Variants in SRRM4 observed in about 807,000 individuals in gnomAD.
SRRM4 encodes the protein serine/arginine repetitive matrix protein 4.
A neutral mutation model predicts 68.9 loss-of-function variants in SRRM4; 33 were observed. The ratio of observed to expected loss-of-function variants is 0.48; its 90% CI spans 0.36 to 0.64. SRRM4 has a LOEUF of 0.64. SRRM4 is among the 30% of genes least tolerant of loss of function. SRRM4 has a pLI of 0.00. For missense variants in SRRM4, 817 were observed against 827.1 expected (o/e 0.99, Z 0.15); for synonymous variants, 318 against 318.8 (o/e 1.00, Z 0.03).
chr12:119,040,454 T>C (rs1953660147), intron 1 of SRRM4, among the ~76,000 whole-genome samples: 1 of 152,188 alleles, frequency 6.6e-6, no homozygotes, highest in Admixed American at 6.5e-5. Context: ...TGATGTTTGG[T>C]TTTCCATTCC....
Position 119,024,877 on chromosome 12 carries a change from C to T in SRRM4, c.131+42864C>T, listed in dbSNP as rs372015972. ...GTGTCTCCCTAGCCATGTATGGCGA[C>T]AGTAGGAGGAGAAGGAGACCACTGG... On this transcript the variant is annotated intron_variant, in intron 1 of 12. Coordinates refer to ENST00000267260, the MANE Select transcript of SRRM4 (RefSeq NM_194286.4). Among the ~76,000 whole-genome samples the T allele has an allele frequency of 1.4e-4, 21 of 152,242 alleles. No homozygotes were observed. In the East Asian group the frequency reaches 3.5e-3, roughly 25 times the overall value.
intron 8 of SRRM4, among the ~76,000 whole-genome samples, chr12:119,141,507 C>T (rs994164754): frequency 1.3e-5 from 2 of 152,142 alleles, no homozygotes; most frequent in Non-Finnish European, 2.9e-5. Context: ...TTTCCTAGAA[C>T]GATTCTCAGT....
At chr12:119,138,987 T>A (rs1954347821) in intron 8 of SRRM4, among the ~76,000 whole-genome samples, 1 of 152,294 alleles carries the variant, frequency 6.6e-6, no homozygotes, top group East Asian at 1.9e-4. Context: ...TATTACCAGA[T>A]GACAGAGGAT....
intron 1 of SRRM4, among the ~76,000 whole-genome samples, chr12:119,022,499 C>T (rs951293627): frequency 6.6e-6 from 1 of 152,146 alleles, no homozygotes; most frequent in African/African-American, 2.4e-5. Context: ...AAATGTAAGC[C>T]AGATGCCAAG....
At chr12:119,150,780 ATG>A (rs1322563037) in intron 9 of SRRM4, among the ~76,000 whole-genome samples, 1 of 152,180 alleles carries the variant, frequency 6.6e-6, no homozygotes, top group Non-Finnish European at 1.5e-5. Context: ...CCCCAGCGGT[ATG>A]TGTTTCACAC....
chr12:119,011,334 T>C lies in SRRM4; in HGVS notation c.131+29321T>C, dbSNP rs540771608. 2.6e-5 allele frequency among the ~76,000 whole-genome samples: 4 copies of C among 152,306 alleles called. No individual in the cohort carries two copies. The East Asian group carries it at 7.7e-4, about 29-fold the overall frequency. ...ACATTTAGGGCCAGCCAGATAATACTTCCTTGTGGGGAGCTGTCCTGTGCA... is the reference window on the plus strand; with the variant it reads ...ACATTTAGGGCCAGCCAGATAATACCTCCTTGTGGGGAGCTGTCCTGTGCA... On this transcript the variant is annotated intron_variant, in intron 1 of 12. Coordinates refer to ENST00000267260, the MANE Select transcript of SRRM4 (RefSeq NM_194286.4).
intron 1 of SRRM4, among the ~76,000 whole-genome samples, chr12:119,050,308 T>C (rs752664928): frequency 2.0e-5 from 3 of 152,262 alleles, no homozygotes; most frequent in Non-Finnish European, 4.4e-5. Context: ...CTGGATTTGT[T>C]TGATCTCCTT....
intron 2 of SRRM4, among the ~76,000 whole-genome samples, chr12:119,104,850 A>G (rs1253734383): frequency 6.6e-6 from 1 of 151,778 alleles, no homozygotes; most frequent in African/African-American, 2.4e-5. Context: ...TTCAAGTTCT[A>G]GGGTACATGT....
chr12:119,112,044 T>G (rs972663955), intron 2 of SRRM4, among the ~76,000 whole-genome samples: 9 of 148,556 alleles, frequency 6.1e-5, no homozygotes, highest in African/African-American at 2.3e-4. Context: ...AAACTGCGTC[T>G]CAAAAAAAAG....
Position 119,157,081 on chromosome 12 carries a change from G to A in SRRM4, c.*283G>A. ...AAGAAGAAAGAAAAGAAAACTTCAAGGTTTTGTGAGAAGCAATGGGTCTGT... is the reference window on the plus strand; with the variant it reads ...AAGAAGAAAGAAAAGAAAACTTCAAAGTTTTGTGAGAAGCAATGGGTCTGT... On this transcript the variant is annotated 3_prime_UTR_variant, in exon 13 of 13. Transcript: ENST00000267260. The surrounding 1 kb of genome is among the most constrained non-coding windows in gnomAD (Gnocchi z 4.1). 2.3e-6 allele frequency: 1 copy of A among 431,186 alleles called. No homozygotes were observed. The highest frequency in any genetic ancestry group is 3.8e-5 in the East Asian group (1 of 26,630). The allele number at this position is 431,186 out of a possible 1,614,324, so 26.7% of individuals were successfully genotyped here. A position where few individuals can be genotyped will look rare whatever the true frequency, so the allele number is the denominator to read the frequency against.
chr12:118,991,326 G>A (rs1953315543), intron 1 of SRRM4, among the ~76,000 whole-genome samples: 1 of 152,206 alleles, frequency 6.6e-6, no homozygotes, highest in Non-Finnish European at 1.5e-5. Flanking sequence ...CTCCCCTGGT[G>A]CCTGATTTAT....
rs1038025104 is a variant in SRRM4, at chr12:119,158,948, A to G, written c.*2150A>G. The G allele has an allele frequency of 1.2e-4, 17 of 147,234 alleles. No individual in the cohort carries two copies. The highest frequency in any genetic ancestry group is 4.3e-4 in the African/African-American group (17 of 39,660). 9.1% of individuals were successfully genotyped at this position (147,234 alleles called of 1,614,324 possible). ...TTCTCGCCATTAGCAGTATTGAATT[A>G]TTTATTTATACAGAGGTTTTGTGTG... is the stretch of plus-strand genomic sequence containing the variant. On this transcript the variant is annotated 3_prime_UTR_variant, in exon 13 of 13. Transcript: ENST00000267260.
intron 1 of SRRM4, among the ~76,000 whole-genome samples, chr12:119,058,900 G>T (rs915052201): frequency 6.6e-6 from 1 of 152,122 alleles, no homozygotes; most frequent in Non-Finnish European, 1.5e-5. Context: ...TCTTGCAATG[G>T]TGTGTGTGAG....
intron 1 of SRRM4, among the ~76,000 whole-genome samples, chr12:119,028,665 C>T (rs1462924475): frequency 1.3e-5 from 2 of 152,150 alleles, no homozygotes; most frequent in African/African-American, 2.4e-5. Flanking sequence ...GGACAAATTC[C>T]AGAGCCAGGA....
At chr12:119,148,056 G>A (rs535139950) in intron 9 of SRRM4, among the ~76,000 whole-genome samples, 5 of 152,202 alleles carry the variant, frequency 3.3e-5, no homozygotes, top group African/African-American at 9.6e-5. Context: ...ACAGTTGCGG[G>A]ATGGGTGGAA....
intron 9 of SRRM4, among the ~76,000 whole-genome samples, chr12:119,149,490 A>T (rs1033915848): frequency 3.0e-4 from 45 of 152,354 alleles, no homozygotes; most frequent in African/African-American, 1.1e-3. Flanking sequence ...GCCTACAAGT[A>T]TAAGACTAAG....
At chr12:119,131,264 T>C (rs1954295985) in intron 8 of SRRM4, among the ~76,000 whole-genome samples, 1 of 152,200 alleles carries the variant, frequency 6.6e-6, no homozygotes, top group Non-Finnish European at 1.5e-5. Context: ...GCTGGCAGCA[T>C]TGGTTGGCAG....
rs1169920366 is a variant in SRRM4, at chr12:119,015,550, T to C, written c.131+33537T>C. On this transcript the variant is annotated intron_variant, in intron 1 of 12. Transcript: ENST00000267260. ...GGCCCTCACTCACCCTTCTACATGC[T>C]CTTGCCTTTTCTTCTTAACTTTGTA... Among the ~76,000 whole-genome samples the C allele has an allele frequency of 2.6e-5, 4 of 152,124 alleles. 1 individual carries two copies. The East Asian group carries it at 7.7e-4, about 29-fold the overall frequency.
chr12:119,000,744 C>T (rs1482845966), intron 1 of SRRM4: 1 of 150,878 alleles, frequency 6.6e-6, no homozygotes, highest in African/African-American at 2.4e-5. Context: ...CAAGAAACAG[C>T]TAGAAAGGGA....
Sources: allele counts gnomAD v4.1 joint callset (sites outside exome capture counted in the v4.1 genomes callset), GRCh38; gene constraint gnomAD v4.1.1; non-coding constraint Gnocchi (gnomAD v3.1); transcripts MANE v1.5; gene names NCBI Gene and HGNC (gene_info 2026-07-23, HGNC 2026-07-21).